The following TMEM242 variants were observed in gnomAD, a reference collection of about 807,000 sequenced individuals.
The protein encoded by TMEM242 is UPF0463 transmembrane protein C6orf35.
TMEM242 carries 10 observed loss-of-function variants against 18.2 expected under a neutral mutation model. The observed-to-expected ratio is 0.55, with a 90% CI of 0.34 to 0.93. The LOEUF is 0.93. Among genes scored for constraint, TMEM242 ranks in the 40% least tolerant of loss-of-function variants. The pLI, the probability that TMEM242 is intolerant of heterozygous loss-of-function variation, is 0.02. For missense variants in TMEM242, 186 were observed against 175.5 expected, an observed-to-expected ratio of 1.06 and a Z score of -0.34; for synonymous variants, 57 against 69.9, an observed-to-expected ratio of 0.81 and a Z score of 0.92.
intron 3 of TMEM242, among the ~76,000 whole-genome samples, chr6:157,304,191 C>T (rs1554247719): frequency 3.9e-5 from 6 of 152,050 alleles, no homozygotes; most frequent in Admixed American, 3.3e-4. Flanking sequence ...TTAGCCTGGG[C>T]GCAGTGACTC....
chr6:157,306,404 C>T (rs141374845), intron 3 of TMEM242, among the ~76,000 whole-genome samples: 2,987 of 152,234 alleles, frequency 0.02, 102 homozygotes, highest in African/African-American at 0.069. Flanking sequence ...TGATTAGATG[C>T]AGGGGTGAGA....
chr6:157,300,207 C>T (rs1777809242), intron 3 of TMEM242: 2 of 450,054 alleles, frequency 4.4e-6, no homozygotes, highest in Admixed American at 3.5e-5. Flanking sequence ...GAGCCATTAG[C>T]AGCACCTTCA....
intron 2 of TMEM242, among the ~76,000 whole-genome samples, chr6:157,321,692 A>G (rs1778497936): frequency 1.3e-5 from 2 of 152,178 alleles, no homozygotes; most frequent in African/African-American, 4.8e-5. Context: ...AATAGGATGG[A>G]AAGTTGTGAT....
rs1554250554 is a variant in TMEM242 at position 157,318,764 on chromosome 6, A to G, written c.327+18T>C. 1 of 1,613,772 alleles carries G rather than the reference A, an allele frequency of 6.2e-7. No individual in the cohort carries two copies. Among genetic ancestry groups the G allele is most frequent in the East Asian group, 2.2e-5 (1 of 44,876 alleles). ...GAATAAACATGTAGATACCAGGGAC[A>G]AGACAGTAGTTACTTACACTGTGAA... On this transcript the variant is annotated intron_variant, in intron 3 of 3. Transcript: ENST00000400788.
At chr6:157,295,855 C>T (rs587745594) in intron 3 of TMEM242, among the ~76,000 whole-genome samples, 2 of 152,188 alleles carry the variant, frequency 1.3e-5, no homozygotes, top group Admixed American at 6.5e-5. Flanking sequence ...CTGTGGAAAT[C>T]GAAACGCAGA....
chr6:157,293,355 AAAAC>A (rs111648623), intron 3 of TMEM242, among the ~76,000 whole-genome samples: 3,650 of 148,342 alleles, frequency 0.025, 52 homozygotes, highest in African/African-American at 0.031. Context: ...TATCTCTTTA[AAAAC>A]AAACAAACAA....
intron 3 of TMEM242, among the ~76,000 whole-genome samples, chr6:157,308,239 T>C (rs1554248062): frequency 1.3e-5 from 2 of 152,278 alleles, no homozygotes. Flanking sequence ...GTAAAAATAA[T>C]GCAGGAATAA....
At chr6:157,311,064 T>C (rs1464367233) in intron 3 of TMEM242, among the ~76,000 whole-genome samples, 4 of 146,084 alleles carry the variant, frequency 2.7e-5, no homozygotes, top group East Asian at 2.0e-4. Flanking sequence ...AACCCCATCA[T>C]AGTGCCCCAG....
intron 1 of TMEM242, 33 bp downstream of exon 1, chr6:157,323,379 C>A (rs1554250861): frequency 1.2e-6 from 2 of 1,608,774 alleles, no homozygotes; most frequent in South Asian, 2.2e-5. Flanking sequence ...TTAACTCACC[C>A]CGACGCCCGC....
chr6:157,316,654 C>T (rs774747061), intron 3 of TMEM242, among the ~76,000 whole-genome samples: 4 of 152,058 alleles, frequency 2.6e-5, no homozygotes, highest in African/African-American at 7.2e-5. Context: ...GGCAGAAGAT[C>T]GCTTGAGTCC....
chr6:157,313,408 G>GC (rs1778271171), intron 3 of TMEM242, among the ~76,000 whole-genome samples: 1 of 2,862 alleles, frequency 3.5e-4, no homozygotes, highest in Non-Finnish European at 6.7e-4. Context: ...TTATTACAGT[G>GC]TCCAGTGTGC....
intron 3 of TMEM242, among the ~76,000 whole-genome samples, chr6:157,313,020 A>G (rs372766064): frequency 1.4e-4 from 21 of 145,314 alleles, no homozygotes; most frequent in Admixed American, 2.8e-4. Flanking sequence ...CCGCTCACCT[A>G]GCCTCATCAT....
intron 3 of TMEM242, among the ~76,000 whole-genome samples, chr6:157,313,901 C>G (rs1778314306): frequency 6.6e-6 from 1 of 151,152 alleles, no homozygotes; most frequent in Non-Finnish European, 1.5e-5. Flanking sequence ...GTGCGCTCAC[C>G]TGGCCTCATC....
intron 3 of TMEM242, among the ~76,000 whole-genome samples, chr6:157,313,359 T>G (rs200925443): frequency 3.0e-3 from 10 of 3,344 alleles, no homozygotes; most frequent in African/African-American, 0.012. Flanking sequence ...TGCGCTCACC[T>G]GGCCTCATCA....
At chr6:157,323,320 G>A (rs1554250853) in intron 1 of TMEM242, 92 bp downstream of exon 1, 1 of 1,364,044 alleles carries the variant, frequency 7.3e-7, no homozygotes, top group African/African-American at 1.4e-5. Flanking sequence ...GGCTCTCAGA[G>A]CGGGATGTGT....
At chr6:157,296,044 T>C (rs1335840791) in intron 3 of TMEM242, among the ~76,000 whole-genome samples, 1 of 152,236 alleles carries the variant, frequency 6.6e-6, no homozygotes, top group East Asian at 1.9e-4. Context: ...TGATTCTCTA[T>C]ACATGAAGCC....
At chr6:157,318,465 T>C (rs1301252730) in intron 3 of TMEM242, 2 of 353,192 alleles carry the variant, frequency 5.7e-6, no homozygotes, top group African/African-American at 4.2e-5. Context: ...TCAAGTGATT[T>C]GCCTGCCGCA....
intron 3 of TMEM242, among the ~76,000 whole-genome samples, chr6:157,316,205 G>C (rs1219024892): frequency 2.0e-5 from 3 of 152,134 alleles, no homozygotes; most frequent in Non-Finnish European, 4.4e-5. Context: ...ATAGAAACTA[G>C]AAGCTTAATA....
chr6:157,319,001 C>G (rs782678417), intron 2 of TMEM242, 82 bp from the exon 3 acceptor site: 2 of 1,403,798 alleles, frequency 1.4e-6, no homozygotes, highest in Non-Finnish European at 1.9e-6. Context: ...AAATTCCTCT[C>G]TGTGCAAACA....
Sources: allele counts gnomAD v4.1 joint callset (sites outside exome capture counted in the v4.1 genomes callset), GRCh38; gene constraint gnomAD v4.1.1; transcripts MANE v1.5; gene names NCBI Gene and HGNC (gene_info 2026-07-23, HGNC 2026-07-21).